The following PDZD2 variants were observed in gnomAD, a reference collection of about 807,000 sequenced individuals.
PDZD2 encodes the protein PDZ domain-containing protein 2.
PDZD2 carries 90 observed loss-of-function variants against 220.7 expected under a neutral mutation model. That is an observed-to-expected ratio of 0.41 (90% CI 0.34 to 0.49). The LOEUF (loss-of-function observed/expected upper bound fraction) is 0.49, where lower values mean the gene tolerates loss of function less well. Ranked by LOEUF, PDZD2 falls within the 20% of genes least tolerant of loss-of-function variation. The pLI is 0.28. For missense variants in PDZD2, 3,174 were observed against 3,608.5 expected (o/e 0.88, Z 3.08); for synonymous variants, 1,375 against 1,450.5 (o/e 0.95, Z 1.18).
chr5:31,922,402 A>G (rs1297957078), intron 2 of PDZD2, among the ~76,000 whole-genome samples: 1 of 152,156 alleles, frequency 6.6e-6, no homozygotes, highest in East Asian at 1.9e-4. Context: ...ACTTATATGT[A>G]TATTTTTTTT....
intron 2 of PDZD2, among the ~76,000 whole-genome samples, chr5:31,917,806 G>A (rs1743822578): frequency 6.6e-6 from 1 of 152,094 alleles, no homozygotes; most frequent in Non-Finnish European, 1.5e-5. Context: ...GCAATGGCGC[G>A]ATCTCGGCTC....
At chr5:32,031,220 A>C (rs563503323) in intron 6 of PDZD2, among the ~76,000 whole-genome samples, 22 of 152,200 alleles carry the variant, frequency 1.4e-4, no homozygotes, top group African/African-American at 5.3e-4. Context: ...GGAACCGTCA[A>C]GAGTCTTTTC....
At chr5:31,834,458 C>T (rs1207983222) in intron 2 of PDZD2, among the ~76,000 whole-genome samples, 1 of 152,184 alleles carries the variant, frequency 6.6e-6, no homozygotes, top group African/African-American at 2.4e-5. Context: ...TTTATGAACA[C>T]TCTTCCCCCC....
At position 32,109,208 on chromosome 5, in the gene PDZD2, G is replaced by GTT. The variant is rs201267396; in HGVS notation, c.*1079_*1080dup. 4 of 152,118 alleles carry GTT rather than the reference G, an allele frequency of 2.6e-5. No individual in the cohort carries two copies. The highest frequency in any genetic ancestry group is 9.7e-5 in the African/African-American group (4 of 41,416). The allele number at this position is 152,118 out of a possible 1,614,324, so 9.4% of individuals were successfully genotyped here. ...TGGAATCCTTTTAGGAGACTGGTTG[G>GTT]TTTTTTTCCCTCTTTCCCAACATGT... On this transcript the variant is annotated 3_prime_UTR_variant, in exon 25 of 25. Transcript: ENST00000438447.
At chr5:31,767,652 C>T (rs184070081) in intron 1 of PDZD2, among the ~76,000 whole-genome samples, 147 of 152,314 alleles carry the variant, frequency 9.7e-4, no homozygotes, top group African/African-American at 3.3e-3. Context: ...AGTCCGTCAA[C>T]GTAAGATGGA....
At chr5:31,932,713 G>T (rs1172156511) in intron 2 of PDZD2, among the ~76,000 whole-genome samples, 1 of 152,060 alleles carries the variant, frequency 6.6e-6, no homozygotes, top group Non-Finnish European at 1.5e-5. Context: ...TCTCCAGAAG[G>T]CTTTTCCTCT....
intron 5 of PDZD2, among the ~76,000 whole-genome samples, chr5:32,006,865 T>A (rs1752853942): frequency 6.6e-6 from 1 of 151,080 alleles, no homozygotes; most frequent in Non-Finnish European, 1.5e-5. Context: ...AATGTTTATA[T>A]TTTTAGTAGA....
At chr5:31,967,604 G>A (rs1241725224) in intron 2 of PDZD2, among the ~76,000 whole-genome samples, 1 of 152,130 alleles carries the variant, frequency 6.6e-6, no homozygotes, top group East Asian at 1.9e-4. Context: ...TCTGAGATAC[G>A]GTCTGCCCTC....
At chr5:32,047,646 A>G (rs1738109237) in intron 7 of PDZD2, among the ~76,000 whole-genome samples, 2 of 152,260 alleles carry the variant, frequency 1.3e-5, no homozygotes. Flanking sequence ...CATACCAAAA[A>G]GTGTTGCCAA....
At chr5:31,822,452 T>C (rs1236417809) in intron 2 of PDZD2, 1 of 402,020 alleles carries the variant, frequency 2.5e-6, no homozygotes, top group Non-Finnish European at 4.6e-6. Context: ...TTTATAGTTT[T>C]TTTTTTCCCA....
At chr5:31,975,436 G>C (rs1272811421) in intron 2 of PDZD2, among the ~76,000 whole-genome samples, 1 of 152,164 alleles carries the variant, frequency 6.6e-6, no homozygotes, top group Non-Finnish European at 1.5e-5. Flanking sequence ...CATGACATGT[G>C]GCAATTATGG....
chr5:31,975,985 G>T (rs1749733562), intron 2 of PDZD2, among the ~76,000 whole-genome samples: 2 of 151,616 alleles, frequency 1.3e-5, no homozygotes, highest in Admixed American at 1.3e-4. Flanking sequence ...TGTAGAGATG[G>T]AGTCTCACTA....
chr5:32,090,550 C>T lies in PDZD2; in HGVS notation c.7102C>T (p.Pro2368Ser), dbSNP rs1413615545. ...SPFLSVSSKPPIGRRSSGSIV... is the reference protein window; with the variant it reads ...SPFLSVSSKPSIGRRSSGSIV... The stretch of plus-strand genomic sequence containing the variant: ...ATTTTTGTCGGTGAGCTCCAAGCCT[C>T]CCATTGGGAGGCGGTCTTCCGGCAG... Residue 2368 changes from proline to serine, a missense_variant, in exon 20 of 25, where the codon CCC becomes TCC. Transcript: ENST00000438447. The surrounding 1 kb of genome is among the most constrained non-coding windows in gnomAD (Gnocchi z 4.3). The T allele has an allele frequency of 2.5e-6, 4 of 1,613,934 alleles. No homozygotes were observed. Among genetic ancestry groups the T allele is most frequent in the East Asian group, 2.2e-5 (1 of 44,870 alleles).
At chr5:31,980,826 C>G (rs1344021261) in intron 2 of PDZD2, among the ~76,000 whole-genome samples, 4 of 152,158 alleles carry the variant, frequency 2.6e-5, no homozygotes, top group Non-Finnish European at 5.9e-5. Context: ...CTCTGTCGCC[C>G]AGGCTGGAGT....
chr5:31,859,502 C>A (rs1737485253), intron 2 of PDZD2, among the ~76,000 whole-genome samples: 1 of 152,152 alleles, frequency 6.6e-6, no homozygotes, highest in African/African-American at 2.4e-5. Flanking sequence ...TTAAAAATAT[C>A]TGAAATTTTC....
intron 2 of PDZD2, among the ~76,000 whole-genome samples, chr5:31,920,390 G>GCC (rs55722800): frequency 2.3e-4 from 35 of 149,284 alleles, no homozygotes; most frequent in Non-Finnish European, 4.2e-4. Context: ...CATGATCAAC[G>GCC]CCCCCCCCCC....
intron 2 of PDZD2, among the ~76,000 whole-genome samples, chr5:31,966,858 C>G (rs1379560379): frequency 6.6e-6 from 1 of 152,136 alleles, no homozygotes; most frequent in East Asian, 1.9e-4. Context: ...CTTGCCGGCC[C>G]CACCAGCCTG....
At position 32,054,312 on chromosome 5, in the gene PDZD2, C is replaced by CTTTT. The variant is rs57135705; in HGVS notation, c.1900+452_1900+455dup. 2.6e-3 allele frequency among the ~76,000 whole-genome samples: 179 copies of CTTTT among 69,330 alleles called. 41 individuals carry two copies. The highest frequency in any genetic ancestry group is 7.0e-3 in the South Asian group (8 of 1,150). The allele number at this position is 69,330 out of a possible 152,430, so 45.5% of individuals were successfully genotyped here. On this transcript the variant is annotated intron_variant, in intron 10 of 24. Transcript: ENST00000438447. The stretch of plus-strand genomic sequence containing the variant: ...CATAGTCTGGTTCCTAAATGAACAT[C>CTTTT]TTTTTTTTTTTTTTTTTTTTTTTTT...
chr5:31,898,765 G>C (rs867913120), intron 2 of PDZD2, among the ~76,000 whole-genome samples: 2 of 150,580 alleles, frequency 1.3e-5, no homozygotes, highest in Non-Finnish European at 3.0e-5. Flanking sequence ...GGTCATCCAG[G>C]ACGGCTTTGG....
Sources: gnomAD v4.1 joint callset for allele counts (sites outside exome capture counted in the v4.1 genomes callset) on GRCh38, gnomAD v4.1.1 for gene constraint, Gnocchi (gnomAD v3.1) non-coding constraint, MANE v1.5 for transcripts, NCBI Gene and HGNC (gene_info 2026-07-23, HGNC 2026-07-21) for gene names.